The following FAR2 variants were observed in gnomAD, a reference collection of about 807,000 sequenced individuals.
FAR2 encodes epididymis secretory protein Li 81.
A neutral mutation model predicts 56.0 loss-of-function variants in FAR2; 19 were observed. That is an observed-to-expected ratio of 0.34 (90% CI 0.24 to 0.50). The LOEUF is 0.50. Ranked by LOEUF, FAR2 falls within the 20% of genes least tolerant of loss-of-function variation. The pLI is 0.98. For synonymous variants in FAR2, 219 were observed against 218.8 expected, an observed-to-expected ratio of 1.00 and a Z score of -0.01; for missense variants, 508 against 642.2, an observed-to-expected ratio of 0.79 and a Z score of 2.26.
intron 4 of FAR2, among the ~76,000 whole-genome samples, chr12:29,298,499 G>T (rs1949108324): frequency 6.6e-6 from 1 of 151,984 alleles, no homozygotes; most frequent in Admixed American, 6.6e-5. Context: ...AGATATTTTT[G>T]TCTGTCATGT....
intron 1 of FAR2, among the ~76,000 whole-genome samples, chr12:29,235,006 A>G (rs1409610475): frequency 1.3e-5 from 2 of 152,202 alleles, no homozygotes; most frequent in Non-Finnish European, 2.9e-5. Context: ...CTGAACAATA[A>G]AAACAACACT....
At chr12:29,291,540 C>A in intron 2 of FAR2, 1 of 438,302 alleles carries the variant, frequency 2.3e-6, no homozygotes. Flanking sequence ...CATTTGCATG[C>A]CTTAAAATCA....
At chr12:29,197,537 A>G (rs1213014943) in intron 1 of FAR2, among the ~76,000 whole-genome samples, 1 of 152,226 alleles carries the variant, frequency 6.6e-6, no homozygotes, top group Non-Finnish European at 1.5e-5. Flanking sequence ...ACTGAGGCTC[A>G]GAAAGATTAG....
rs116454717 is a variant in FAR2 at position 29,173,759 on chromosome 12, C to A, written c.-39+24352C>A. Among the ~76,000 whole-genome samples the A allele has an allele frequency of 3.4e-3, 520 of 152,128 alleles. 5 individuals carry two copies. The highest frequency in any genetic ancestry group is 0.012 in the African/African-American group (498 of 41,504). On this transcript the variant is annotated intron_variant, in intron 1 of 11. Coordinates refer to ENST00000536681, the MANE Select transcript of FAR2 (RefSeq NM_001271783.2). Reference sequence around the variant, plus strand: ...TTTTGGTTTGTTTGTTTCCCCACACCCCCCCTACCCAAGAACCCGCGACAG... The same window carrying A: ...TTTTGGTTTGTTTGTTTCCCCACACACCCCCTACCCAAGAACCCGCGACAG...
At chr12:29,173,162 T>TG in intron 1 of FAR2, among the ~76,000 whole-genome samples, 1 of 152,320 alleles carries the variant, frequency 6.6e-6, no homozygotes. Flanking sequence ...AAAACTTCCA[T>TG]GGGTCTGCTT....
chr12:29,307,329 G>C (rs1158356476), intron 4 of FAR2, among the ~76,000 whole-genome samples: 1 of 152,170 alleles, frequency 6.6e-6, no homozygotes, highest in East Asian at 1.9e-4. Context: ...TAATAAAGTA[G>C]TACTAATAGT....
At chr12:29,290,400 T>A (rs1948946551) in intron 2 of FAR2, among the ~76,000 whole-genome samples, 1 of 151,658 alleles carries the variant, frequency 6.6e-6, no homozygotes, top group Non-Finnish European at 1.5e-5. Context: ...GAGCCAAGAT[T>A]GTGCCACTGC....
Position 29,316,947 on chromosome 12 carries a change from G to A in FAR2, c.1062G>A (p.Ala354=), listed in dbSNP as rs142086556. 81 of 1,613,936 alleles carry A rather than the reference G, an allele frequency of 5.0e-5. No individual in the cohort carries two copies. The African/African-American group carries it at 9.3e-4, about 19-fold the overall frequency. Residue 354 remains alanine, a synonymous_variant, in exon 9 of 12, where the codon GCG becomes GCA. Transcript: ENST00000536681. ...GCTTCACATCACAGTACTGGAATGC[G>A]GTCAGCCACCGGGCCCCTGCCATTA... is the stretch of plus-strand genomic sequence containing the variant. ...SNSFTSQYWN[A]VSHRAPAIIY...
At chr12:29,198,193 C>G (rs892861490) in intron 1 of FAR2, among the ~76,000 whole-genome samples, 2 of 151,942 alleles carry the variant, frequency 1.3e-5, no homozygotes, top group African/African-American at 2.4e-5. Context: ...TATTTATATT[C>G]TCTCCATTAT....
intron 1 of FAR2, among the ~76,000 whole-genome samples, chr12:29,220,108 CAG>C (rs917908767): frequency 2.0e-5 from 3 of 152,142 alleles, no homozygotes; most frequent in South Asian, 2.1e-4. Flanking sequence ...TAATTAGAAA[CAG>C]AGCTGGCACT....
At chr12:29,215,354 T>C (rs1379581529) in intron 1 of FAR2, among the ~76,000 whole-genome samples, 2 of 152,202 alleles carry the variant, frequency 1.3e-5, no homozygotes, top group South Asian at 4.1e-4. Context: ...AAATAAAAGA[T>C]GTAGAAATGT....
chr12:29,322,794 G>A (rs1949574612), intron 10 of FAR2, among the ~76,000 whole-genome samples: 1 of 152,202 alleles, frequency 6.6e-6, no homozygotes, highest in Non-Finnish European at 1.5e-5. Context: ...ACACTGGGGA[G>A]TAAATATCAG....
intron 1 of FAR2, among the ~76,000 whole-genome samples, chr12:29,248,538 G>A (rs537912065): frequency 2.6e-5 from 4 of 152,194 alleles, no homozygotes; most frequent in African/African-American, 7.2e-5. Flanking sequence ...GAGGCAGGGC[G>A]AGATCACAGG....
chr12:29,253,274 T>TATATCG (rs201048337), intron 1 of FAR2, among the ~76,000 whole-genome samples: 1 of 16,972 alleles, frequency 5.9e-5, no homozygotes, highest in South Asian at 2.5e-3. Context: ...TAGATATCTA[T>TATATCG]ATATCGATAT....
intron 10 of FAR2, among the ~76,000 whole-genome samples, chr12:29,322,704 A>C (rs552417504): frequency 1.3e-5 from 2 of 152,116 alleles, no homozygotes; most frequent in Non-Finnish European, 2.9e-5. Flanking sequence ...ATTGATTGAC[A>C]TTTCCCACTA....
intron 10 of FAR2, among the ~76,000 whole-genome samples, chr12:29,326,682 G>C (rs1328199782): frequency 6.6e-6 from 1 of 152,106 alleles, no homozygotes; most frequent in Non-Finnish European, 1.5e-5. Flanking sequence ...CGGAGAAAAG[G>C]CCTTTGACAA....
intron 1 of FAR2, among the ~76,000 whole-genome samples, chr12:29,224,818 A>G (rs1373758110): frequency 6.6e-6 from 1 of 152,256 alleles, no homozygotes; most frequent in Non-Finnish European, 1.5e-5. Context: ...TACTGCAATA[A>G]TATGAAATAT....
intron 1 of FAR2, among the ~76,000 whole-genome samples, chr12:29,232,619 T>A (rs750207202): frequency 6.6e-6 from 1 of 152,140 alleles, no homozygotes; most frequent in Non-Finnish European, 1.5e-5. Flanking sequence ...CTGAACATTA[T>A]ACCTCCAGCC....
At chr12:29,221,357 C>CG (rs1947688193) in intron 1 of FAR2, among the ~76,000 whole-genome samples, 1 of 152,062 alleles carries the variant, frequency 6.6e-6, no homozygotes, top group African/African-American at 2.4e-5. Context: ...CTGGTCGGGG[C>CG]GGGGAGCCTT....
Sources: allele counts gnomAD v4.1 joint callset (sites outside exome capture counted in the v4.1 genomes callset), GRCh38; gene constraint gnomAD v4.1.1; transcripts MANE v1.5; gene names NCBI Gene and HGNC (gene_info 2026-07-23, HGNC 2026-07-21).